MYO1B: variants seen among roughly 807,000 people sequenced by gnomAD.
MYO1B encodes the protein myosin IB, also known as unconventional myosin-Ib.
In MYO1B, 72 loss-of-function variants were observed where a neutral mutation model predicts 159.7. The observed-to-expected ratio is 0.45, with a 90% confidence interval of 0.37 to 0.55. MYO1B has a LOEUF of 0.55. Ranked by LOEUF, MYO1B falls within the 20% of genes least tolerant of loss-of-function variation. The pLI, the probability that MYO1B is intolerant of heterozygous loss-of-function variation, is 0.00. For synonymous variants in MYO1B, 468 were observed against 473.8 expected (o/e 0.99, Z 0.16); for missense variants, 1,062 against 1,364.8 (o/e 0.78, Z 3.50).
intron 1 of MYO1B, among the ~76,000 whole-genome samples, chr2:191,260,826 A>T (rs1686767260): frequency 6.6e-6 from 1 of 152,222 alleles, no homozygotes; most frequent in Non-Finnish European, 1.5e-5. Flanking sequence ...CTGGTTGTGG[A>T]TTTGAAGTGT....
intron 13 of MYO1B, chr2:191,377,832 C>T (rs952047967): frequency 1.3e-5 from 2 of 151,056 alleles, no homozygotes; most frequent in African/African-American, 4.8e-5. Context: ...CAGCTTAGAT[C>T]ACAAGAGAGG....
intron 4 of MYO1B, among the ~76,000 whole-genome samples, chr2:191,333,168 C>A (rs766127885): frequency 2.6e-5 from 4 of 152,146 alleles, no homozygotes; most frequent in Non-Finnish European, 5.9e-5. Flanking sequence ...TATCTTTCTC[C>A]ATTTTTTTCC....
At chr2:191,303,645 T>A (rs138279794) in intron 3 of MYO1B, among the ~76,000 whole-genome samples, 392 of 152,078 alleles carry the variant, frequency 2.6e-3, no homozygotes, top group Middle Eastern at 0.024. Context: ...AAGTCAAGAT[T>A]GTACACACCA....
chr2:191,339,150 G>A (rs1692046879), intron 4 of MYO1B, among the ~76,000 whole-genome samples: 1 of 152,098 alleles, frequency 6.6e-6, no homozygotes, highest in South Asian at 2.1e-4. Context: ...GAAGAGAGCT[G>A]CCCCAGTGCT....
At chr2:191,319,771 T>G (rs556737909) in intron 3 of MYO1B, among the ~76,000 whole-genome samples, 1 of 152,142 alleles carries the variant, frequency 6.6e-6, no homozygotes, top group African/African-American at 2.4e-5. Context: ...ACCATAGTTT[T>G]GGGGGACAGA....
rs555369257 is a variant in MYO1B, at chr2:191,362,457, A to G, written c.765+86A>G. 6.0e-5 allele frequency: 58 copies of G among 961,640 alleles called. No homozygotes were observed. In the African/African-American group the frequency reaches 7.9e-4, roughly 13 times the overall value. 59.6% of individuals were successfully genotyped at this position (961,640 alleles called of 1,614,324 possible). On this transcript the variant is annotated intron_variant, in intron 9 of 30. Transcript: ENST00000392318. ...CTGGTAGCAATTCTGAGTTTTCTTT[A>G]AAGTGTAGCTCATTCTCCCTAAGGT...
intron 5 of MYO1B, among the ~76,000 whole-genome samples, chr2:191,344,638 G>T (rs551320287): frequency 4.9e-4 from 75 of 151,850 alleles, no homozygotes; most frequent in Non-Finnish European, 7.8e-4. Context: ...AGACCATCCC[G>T]GCTAAAACGG....
intron 1 of MYO1B, among the ~76,000 whole-genome samples, chr2:191,253,951 C>T (rs1686281475): frequency 6.6e-6 from 1 of 152,164 alleles, no homozygotes; most frequent in African/African-American, 2.4e-5. Context: ...AAAACTCTTT[C>T]ATACCGCTTG....
At chr2:191,350,933 G>A (rs1221336770) in intron 7 of MYO1B, among the ~76,000 whole-genome samples, 1 of 152,122 alleles carries the variant, frequency 6.6e-6, no homozygotes, top group African/African-American at 2.4e-5. Context: ...AAATGACAGT[G>A]CTGTCAGTGC....
chr2:191,405,803 C>G (rs189413733), intron 24 of MYO1B, among the ~76,000 whole-genome samples: 33 of 152,338 alleles, frequency 2.2e-4, no homozygotes, highest in Admixed American at 1.8e-3. Context: ...ATTTATGGAG[C>G]ACACAGGCGG....
chr2:191,404,327 A>G lies in MYO1B; in HGVS notation c.2556+1609A>G, dbSNP rs192986787. 2.5e-3 allele frequency among the ~76,000 whole-genome samples: 379 copies of G among 152,326 alleles called. 3 individuals carry two copies. Among genetic ancestry groups the G allele is most frequent in the African/African-American group, 8.4e-3 (349 of 41,576 alleles). On this transcript the variant is annotated intron_variant, in intron 24 of 30. Transcript: ENST00000392318. ...TGGGAGAAATAACCTGCCCTGTCGA[A>G]TATCAAAATGCATATAGCAATGAGC...
intron 2 of MYO1B, among the ~76,000 whole-genome samples, chr2:191,279,303 A>G (rs987773224): frequency 8.5e-5 from 13 of 152,212 alleles, no homozygotes; most frequent in African/African-American, 3.1e-4. Flanking sequence ...AAGAGATTGT[A>G]AAGTAATGCG....
intron 3 of MYO1B, among the ~76,000 whole-genome samples, chr2:191,310,788 A>G (rs554489168): frequency 5.9e-4 from 90 of 152,352 alleles, no homozygotes; most frequent in African/African-American, 2.0e-3. Flanking sequence ...AAAAATTGCC[A>G]TCTTGCATTT....
At position 191,399,126 on chromosome 2, in the gene MYO1B, C is replaced by T. The variant is rs1425287480; in HGVS notation, c.2296-1256C>T. On this transcript the variant is annotated intron_variant, in intron 21 of 30. Coordinates refer to ENST00000392318, the MANE Select transcript of MYO1B (RefSeq NM_001130158.3). ...CAAAAAAAAACGAAAACCAGTCAGG[C>T]GTGGCGGCACGCACCTGCAATCGCA... 7.2e-5 allele frequency among the ~76,000 whole-genome samples: 11 copies of T among 152,228 alleles called. No homozygotes were observed. In the East Asian group the frequency reaches 1.7e-3, roughly 24 times the overall value.
At chr2:191,357,860 G>A (rs1484661848) in intron 7 of MYO1B, among the ~76,000 whole-genome samples, 1 of 152,194 alleles carries the variant, frequency 6.6e-6, no homozygotes, top group Non-Finnish European at 1.5e-5. Flanking sequence ...ATGGTCTTAA[G>A]CATGAGTAAA....
chr2:191,307,723 A>G (rs35701428), intron 3 of MYO1B, among the ~76,000 whole-genome samples: 54,160 of 151,846 alleles, frequency 0.36, 10,086 homozygotes, highest in Middle Eastern at 0.52. Flanking sequence ...ACTTCTGCTT[A>G]GTCAACCCCA....
At chr2:191,329,881 AAC>A in intron 3 of MYO1B, 52 bp from the exon 4 acceptor site, 1 of 1,491,620 alleles carries the variant, frequency 6.7e-7, no homozygotes, top group South Asian at 1.2e-5. Flanking sequence ...CCATCTGATA[AAC>A]ACATAATAAT....
chr2:191,352,840 A>G (rs1693010192), intron 7 of MYO1B, among the ~76,000 whole-genome samples: 1 of 152,218 alleles, frequency 6.6e-6, no homozygotes, highest in Admixed American at 6.5e-5. Flanking sequence ...TGGATAAACC[A>G]ACTGGTGTTC....
At chr2:191,257,725 T>C (rs1686542511) in intron 1 of MYO1B, among the ~76,000 whole-genome samples, 2 of 152,204 alleles carry the variant, frequency 1.3e-5, no homozygotes, top group South Asian at 4.1e-4. Context: ...TACAGTAATG[T>C]TACCTGCTAT....
Sources: allele counts gnomAD v4.1 joint callset (sites outside exome capture counted in the v4.1 genomes callset), GRCh38; gene constraint gnomAD v4.1.1; transcripts MANE v1.5; gene names NCBI Gene and HGNC (gene_info 2026-07-23, HGNC 2026-07-21).